SCFD2: variants seen among roughly 807,000 people sequenced by gnomAD.
SCFD2 encodes the protein sec1 family domain containing 2, also known as sec1 family domain-containing protein 2.
In SCFD2, 54 loss-of-function variants were observed where a neutral mutation model predicts 58.9. The ratio of observed to expected loss-of-function variants is 0.92; its 90% CI spans 0.74 to 1.15. The LOEUF (loss-of-function observed/expected upper bound fraction) is 1.15, where lower values mean the gene tolerates loss of function less well. Ranked by LOEUF, SCFD2 falls within the 50% of genes most tolerant of loss-of-function variation. The pLI, the probability that SCFD2 is intolerant of heterozygous loss-of-function variation, is 0.00. For synonymous variants in SCFD2, 321 were observed against 335.9 expected (o/e 0.96, Z 0.49); for missense variants, 805 against 836.6 (o/e 0.96, Z 0.47).
chr4:52,895,913 T>C (rs1577806058), intron 7 of SCFD2, among the ~76,000 whole-genome samples: 1 of 152,238 alleles, frequency 6.6e-6, no homozygotes, highest in Non-Finnish European at 1.5e-5. Context: ...TGATGGCCAG[T>C]GGTGATGAGC....
At chr4:53,353,773 A>T (rs1734313426) in intron 1 of SCFD2, among the ~76,000 whole-genome samples, 1 of 141,154 alleles carries the variant, frequency 7.1e-6, no homozygotes, top group Non-Finnish European at 1.5e-5. Context: ...AGCTAGACAC[A>T]GGGTGCTGAT....
intron 2 of SCFD2, among the ~76,000 whole-genome samples, chr4:53,315,324 T>C (rs1301517980): frequency 1.3e-5 from 2 of 149,336 alleles, no homozygotes; most frequent in Non-Finnish European, 3.0e-5. Context: ...CATTTCAGAA[T>C]GCAAAAAATC....
intron 4 of SCFD2, among the ~76,000 whole-genome samples, chr4:53,213,344 C>T (rs373818442): frequency 1.3e-5 from 2 of 152,016 alleles, no homozygotes; most frequent in Non-Finnish European, 2.9e-5. Flanking sequence ...AACAAGAACT[C>T]GAAAACCTTC....
chr4:52,913,265 G>A (rs1198923519), intron 6 of SCFD2, among the ~76,000 whole-genome samples: 1 of 152,138 alleles, frequency 6.6e-6, no homozygotes, highest in African/African-American at 2.4e-5. Flanking sequence ...CACACAGCAG[G>A]AGGTGAGCAG....
At chr4:53,112,503 A>T (rs1427663277) in intron 5 of SCFD2, among the ~76,000 whole-genome samples, 1 of 152,118 alleles carries the variant, frequency 6.6e-6, no homozygotes, top group Non-Finnish European at 1.5e-5. Flanking sequence ...TATCTGCCAG[A>T]TGCATTCGCA....
chr4:53,072,168 C>T (rs1351124165), intron 5 of SCFD2, among the ~76,000 whole-genome samples: 1 of 152,086 alleles, frequency 6.6e-6, no homozygotes, highest in African/African-American at 2.4e-5. Flanking sequence ...TCATCACCTA[C>T]ACCTAAGAAG....
chr4:52,998,453 G>A (rs1042641750), intron 5 of SCFD2, among the ~76,000 whole-genome samples: 1 of 152,110 alleles, frequency 6.6e-6, no homozygotes, highest in African/African-American at 2.4e-5. Context: ...GTCAGAGTAT[G>A]TCAATGATAA....
intron 5 of SCFD2, among the ~76,000 whole-genome samples, chr4:53,139,721 T>C (rs1344337418): frequency 6.6e-6 from 1 of 152,200 alleles, no homozygotes; most frequent in African/African-American, 2.4e-5. Context: ...CAACAGCTCA[T>C]TGAGAACAGG....
intron 2 of SCFD2, among the ~76,000 whole-genome samples, chr4:53,330,619 C>T (rs1306038062): frequency 6.6e-6 from 1 of 152,172 alleles, no homozygotes; most frequent in East Asian, 1.9e-4. Context: ...AAGGAACAAC[C>T]AGTACCAGCC....
intron 5 of SCFD2, among the ~76,000 whole-genome samples, chr4:52,977,427 T>G (rs1002305575): frequency 6.6e-6 from 1 of 152,136 alleles, no homozygotes; most frequent in Non-Finnish European, 1.5e-5. Flanking sequence ...GTCATACTCC[T>G]TTCCTGTAGG....
intron 7 of SCFD2, among the ~76,000 whole-genome samples, chr4:52,895,921 A>G (rs370565316): frequency 6.6e-6 from 1 of 152,186 alleles, no homozygotes; most frequent in African/African-American, 2.4e-5. Context: ...AGTGGTGATG[A>G]GCATTTTTTC....
At chr4:53,326,084 A>C (rs113295543) in intron 2 of SCFD2, among the ~76,000 whole-genome samples, 59 of 152,350 alleles carry the variant, frequency 3.9e-4, no homozygotes, top group African/African-American at 1.3e-3. Flanking sequence ...AAATAGATTC[A>C]GGAAAAACAT....
intron 5 of SCFD2, among the ~76,000 whole-genome samples, chr4:53,129,969 G>A (rs1212930202): frequency 6.6e-6 from 1 of 152,078 alleles, no homozygotes; most frequent in African/African-American, 2.4e-5. Flanking sequence ...TCTGGGTAGT[G>A]GGTTTATAAA....
chr4:53,034,605 T>G (rs1350362004), intron 5 of SCFD2, among the ~76,000 whole-genome samples: 1 of 152,346 alleles, frequency 6.6e-6, no homozygotes, highest in Middle Eastern at 3.4e-3. Context: ...CTCCTTAAGT[T>G]GATAAGCAAC....
chr4:53,188,418 G>GGTGTGTGTGTGTGTGT (rs56120914), intron 4 of SCFD2, among the ~76,000 whole-genome samples: 1 of 143,460 alleles, frequency 7.0e-6, no homozygotes, highest in East Asian at 2.1e-4. Flanking sequence ...CTTCAAAACT[G>GGTGTGTGTGTGTGTGT]GTGTGTGTGT....
intron 5 of SCFD2, among the ~76,000 whole-genome samples, chr4:53,083,172 T>G (rs1425552156): frequency 1.3e-5 from 2 of 152,066 alleles, no homozygotes; most frequent in Admixed American, 6.6e-5. Context: ...AAAAGGTATA[T>G]TGCTTTGAAC....
intron 5 of SCFD2, among the ~76,000 whole-genome samples, chr4:52,999,278 G>C (rs1721810763): frequency 6.6e-6 from 1 of 152,164 alleles, no homozygotes. Context: ...AGAGACTTCA[G>C]TCCAATACCA....
intron 5 of SCFD2, among the ~76,000 whole-genome samples, chr4:53,120,479 C>A (rs1057118154): frequency 1.3e-5 from 2 of 152,184 alleles, no homozygotes; most frequent in African/African-American, 4.8e-5. Flanking sequence ...ATCTATGAAG[C>A]CCTAGTCCTA....
intron 4 of SCFD2, among the ~76,000 whole-genome samples, chr4:53,221,365 A>T (rs1338269884): frequency 6.6e-6 from 1 of 152,250 alleles, no homozygotes; most frequent in African/African-American, 2.4e-5. Context: ...ATTCACAAGC[A>T]TCCTTGTCTA....
Sources: gnomAD v4.1 joint callset for allele counts (sites outside exome capture counted in the v4.1 genomes callset) on GRCh38, gnomAD v4.1.1 for gene constraint, MANE v1.5 for transcripts, NCBI Gene and HGNC (gene_info 2026-07-23, HGNC 2026-07-21) for gene names.